ST6GALNAC5: variants seen among roughly 807,000 people sequenced by gnomAD.
ST6GALNAC5 encodes the protein alpha-N-acetylgalactosaminide alpha-2,6-sialyltransferase 5.
Under a neutral mutation model 33.6 loss-of-function variants are expected in ST6GALNAC5, and 27 were observed. The observed-to-expected ratio is 0.80, with a 90% CI of 0.59 to 1.11. The LOEUF is 1.11. Ranked by LOEUF, ST6GALNAC5 falls within the 50% of genes least tolerant of loss-of-function variation. The pLI is 0.00. For synonymous variants in ST6GALNAC5, 194 were observed against 171.2 expected, an observed-to-expected ratio of 1.13 and a Z score of -1.04; for missense variants, 428 against 454.0, an observed-to-expected ratio of 0.94 and a Z score of 0.52.
At chr1:77,029,821 C>G (rs1651386285) in intron 2 of ST6GALNAC5, among the ~76,000 whole-genome samples, 1 of 152,188 alleles carries the variant, frequency 6.6e-6, no homozygotes, top group Admixed American at 6.5e-5. Context: ...CATTTAGCAC[C>G]AAATCTTATT....
At chr1:76,930,184 T>G (rs1297090443) in intron 2 of ST6GALNAC5, among the ~76,000 whole-genome samples, 1 of 152,162 alleles carries the variant, frequency 6.6e-6, no homozygotes, top group Non-Finnish European at 1.5e-5. Flanking sequence ...TAAATCTGTC[T>G]TTCATTCTTT....
At chr1:76,929,968 A>T (rs1031316924) in intron 2 of ST6GALNAC5, among the ~76,000 whole-genome samples, 1 of 152,090 alleles carries the variant, frequency 6.6e-6, no homozygotes, top group East Asian at 1.9e-4. Flanking sequence ...AAATTGAAAA[A>T]TTAATTACAC....
intron 2 of ST6GALNAC5, among the ~76,000 whole-genome samples, chr1:77,019,104 A>G (rs1650958415): frequency 6.6e-6 from 1 of 152,228 alleles, no homozygotes; most frequent in Non-Finnish European, 1.5e-5. Flanking sequence ...GTTCTACTGT[A>G]GAGAAATCAT....
chr1:76,868,895 C>G lies in ST6GALNAC5; in HGVS notation c.261+153C>G. Reference sequence around the variant, plus strand: ...CCGCTGGGGTAGGGTGGGCTAGTTCCAACTTGGTATGAATTCTTATTTGGA... The same window carrying G: ...CCGCTGGGGTAGGGTGGGCTAGTTCGAACTTGGTATGAATTCTTATTTGGA... On this transcript the variant is annotated intron_variant, in intron 2 of 4. Coordinates refer to ENST00000477717, the MANE Select transcript of ST6GALNAC5 (RefSeq NM_030965.3). This position sits in a 1 kb window ranked among gnomAD's most constrained non-coding sequence, Gnocchi z 4.3. The G allele has an allele frequency of 8.2e-7, 1 of 1,222,242 alleles. No homozygotes were observed. The highest frequency in any genetic ancestry group is 1.1e-6 in the Non-Finnish European group (1 of 921,324). 75.7% of individuals were successfully genotyped at this position (1,222,242 alleles called of 1,614,324 possible). A position where few individuals can be genotyped will look rare whatever the true frequency, so the allele number is the denominator to read the frequency against.
At chr1:76,943,893 T>C (rs772250677) in intron 2 of ST6GALNAC5, among the ~76,000 whole-genome samples, 4 of 152,150 alleles carry the variant, frequency 2.6e-5, no homozygotes, top group Admixed American at 6.5e-5. Context: ...AATACACATT[T>C]CAAATGTTGT....
chr1:77,059,930 C>T (rs1047822971), intron 4 of ST6GALNAC5, among the ~76,000 whole-genome samples: 3 of 152,022 alleles, frequency 2.0e-5, no homozygotes, highest in Non-Finnish European at 4.4e-5. Context: ...TAATCCAATA[C>T]TGACATTGTT....
chr1:76,894,681 A>T (rs1433689789), intron 2 of ST6GALNAC5, among the ~76,000 whole-genome samples: 1 of 152,148 alleles, frequency 6.6e-6, no homozygotes, highest in Non-Finnish European at 1.5e-5. Context: ...GTTCATCTAA[A>T]CTCTTTAAAA....
chr1:76,899,656 G>T (rs970942061), intron 2 of ST6GALNAC5, among the ~76,000 whole-genome samples: 3 of 152,180 alleles, frequency 2.0e-5, no homozygotes, highest in Admixed American at 6.5e-5. Flanking sequence ...TCCGTGACTG[G>T]TGCCGGAGTT....
intron 2 of ST6GALNAC5, among the ~76,000 whole-genome samples, chr1:76,871,988 A>G (rs1349176322): frequency 6.6e-6 from 1 of 151,628 alleles, no homozygotes; most frequent in African/African-American, 2.4e-5. Flanking sequence ...AAGATTGCTT[A>G]GGTACAACTG....
At chr1:76,978,470 A>AGGGT (rs1649115407) in intron 2 of ST6GALNAC5, among the ~76,000 whole-genome samples, 1 of 152,246 alleles carries the variant, frequency 6.6e-6, no homozygotes, top group African/African-American at 2.4e-5. Context: ...GGATGGTTCA[A>AGGGT]TATATGGAAG....
intron 2 of ST6GALNAC5, among the ~76,000 whole-genome samples, chr1:76,908,985 C>T (rs1646888175): frequency 6.6e-6 from 1 of 152,130 alleles, no homozygotes; most frequent in African/African-American, 2.4e-5. Flanking sequence ...TACTTTAAAT[C>T]ATAACTACCC....
At chr1:76,901,588 G>T (rs764499726) in intron 2 of ST6GALNAC5, among the ~76,000 whole-genome samples, 6 of 152,156 alleles carry the variant, frequency 3.9e-5, no homozygotes, top group Admixed American at 1.3e-4. Context: ...GCAAAGAAGA[G>T]AACAGGGTAC....
At position 76,968,748 on chromosome 1, in the gene ST6GALNAC5, C is replaced by G. The variant is rs375554121; in HGVS notation, c.262-75456C>G. On this transcript the variant is annotated intron_variant, in intron 2 of 4. Transcript: ENST00000477717. ...TGTTCCTTTCCATGTTTAGTGCTTC[C>G]TTCAGGAGATCTTGTAAGGCAGGCC... Among the ~76,000 whole-genome samples the G allele has an allele frequency of 3.8e-4, 58 of 152,274 alleles. 1 individual carries two copies. The East Asian group carries it at 8.3e-3, about 22-fold the overall frequency.
At chr1:76,960,174 C>T (rs1648174761) in intron 2 of ST6GALNAC5, among the ~76,000 whole-genome samples, 1 of 151,956 alleles carries the variant, frequency 6.6e-6, no homozygotes, top group African/African-American at 2.4e-5. Flanking sequence ...TTCTATTTTC[C>T]CTAAGTGTCA....
At chr1:76,903,740 T>G (rs1646838974) in intron 2 of ST6GALNAC5, among the ~76,000 whole-genome samples, 2 of 152,176 alleles carry the variant, frequency 1.3e-5, no homozygotes, top group Admixed American at 6.6e-5. Flanking sequence ...ATACAGCAGT[T>G]AGTGATAGAT....
At position 76,871,196 on chromosome 1, in the gene ST6GALNAC5, T is replaced by C. The variant is rs958821119; in HGVS notation, c.261+2454T>C. On this transcript the variant is annotated intron_variant, in intron 2 of 4. Transcript: ENST00000477717. ...AATTATGACAGGGGAGGGTAAGAAA[T>C]GAAAGCCTTTCTATTCTTATTATAT... The C allele has an allele frequency of 2.0e-5, 3 of 152,204 alleles. No homozygotes were observed. In the East Asian group the frequency reaches 5.8e-4, roughly 29 times the overall value. 9.4% of individuals were successfully genotyped at this position (152,204 alleles called of 1,614,324 possible). A position where few individuals can be genotyped will look rare whatever the true frequency, so the allele number is the denominator to read the frequency against.
intron 2 of ST6GALNAC5, among the ~76,000 whole-genome samples, chr1:77,010,713 G>T (rs80126839): frequency 6.6e-6 from 1 of 152,036 alleles, no homozygotes; most frequent in African/African-American, 2.4e-5. Context: ...TGACCCTGTG[G>T]CTCCAGGACA....
chr1:76,975,055 G>A (rs1420145910), intron 2 of ST6GALNAC5, among the ~76,000 whole-genome samples: 2 of 151,712 alleles, frequency 1.3e-5, no homozygotes, highest in Admixed American at 6.6e-5. Context: ...CCAAACTGCT[G>A]GGATTACAAG....
intron 2 of ST6GALNAC5, among the ~76,000 whole-genome samples, chr1:76,993,726 T>C (rs1365532678): frequency 1.3e-5 from 2 of 152,210 alleles, no homozygotes; most frequent in African/African-American, 2.4e-5. Context: ...ACGTTACGTT[T>C]AGCTTTCGGC....
Sources: gnomAD v4.1 joint callset for allele counts (sites outside exome capture counted in the v4.1 genomes callset) on GRCh38, gnomAD v4.1.1 for gene constraint, Gnocchi (gnomAD v3.1) non-coding constraint, MANE v1.5 for transcripts, NCBI Gene and HGNC (gene_info 2026-07-23, HGNC 2026-07-21) for gene names.